The following PTPRB variants were observed in gnomAD, a reference collection of about 807,000 sequenced individuals.
PTPRB encodes the protein receptor-type tyrosine-protein phosphatase beta.
Under a neutral mutation model 238.1 loss-of-function variants are expected in PTPRB, and 97 were observed. That is an observed-to-expected ratio of 0.41 (90% CI 0.35 to 0.48). The LOEUF (loss-of-function observed/expected upper bound fraction) is 0.48, where lower values mean the gene tolerates loss of function less well. Ranked by LOEUF, PTPRB falls within the 20% of genes least tolerant of loss-of-function variation. The probability of loss-of-function intolerance (pLI) is 0.30; values close to 1 mark genes in which losing one functional copy is unlikely to be tolerated. For missense variants in PTPRB, 2,292 were observed against 2,681.9 expected, an observed-to-expected ratio of 0.85 and a Z score of 3.21; for synonymous variants, 970 against 995.4, an observed-to-expected ratio of 0.97 and a Z score of 0.48.
Position 70,594,638 on chromosome 12 carries a change from G to A in PTPRB, c.1345C>T (p.Arg449Ter). The A allele has an allele frequency of 1.2e-6, 2 of 1,613,994 alleles. No homozygotes were observed. Among genetic ancestry groups the A allele is most frequent in the South Asian group, 1.1e-5 (1 of 91,076 alleles). The change falls in exon 6 of 34, where the codon CGA (arginine) becomes TGA (stop). Residue 449 changes from arginine to a stop codon, truncating the protein, a stop_gained. Transcript: ENST00000334414. LOFTEE classifies it high-confidence loss of function. ...TTATCCATTAGCATCAGCCGGTATC[G>A]TTCCACATTCCCAGAACCATGGGAC... The part of the protein sequence containing the change: ...SWSHGSGNVE[R>*]YRLMLMDKGI...
At chr12:70,598,555 T>C (rs896323917) in intron 4 of PTPRB, among the ~76,000 whole-genome samples, 1 of 152,154 alleles carries the variant, frequency 6.6e-6, no homozygotes, top group Non-Finnish European at 1.5e-5. Flanking sequence ...ATAATACTTA[T>C]ATTCCAAGGC....
chr12:70,521,418 G>A lies in PTPRB; in HGVS notation c.*71C>T, dbSNP rs931525359. 7.7e-7 allele frequency: 1 copy of A among 1,294,686 alleles called. No homozygotes were observed. Among genetic ancestry groups the A allele is most frequent in the Middle Eastern group, 2.3e-4 (1 of 4,424 alleles). 80.2% of individuals were successfully genotyped at this position (1,294,686 alleles called of 1,614,324 possible). On this transcript the variant is annotated 3_prime_UTR_variant, in exon 34 of 34. Transcript: ENST00000334414. ...CAGAAATAGCTGGCACCTCTGTAGG[G>A]CATGAAGCAAGTTTTTAAAAACAAA... is the stretch of plus-strand genomic sequence containing the variant.
chr12:70,524,637 A>G (rs1389829520), intron 32 of PTPRB, 46 bp from the exon 33 acceptor site: 9 of 1,532,488 alleles, frequency 5.9e-6, no homozygotes, highest in Non-Finnish European at 8.8e-7. Context: ...GTTCTCATGC[A>G]TAAGAAAGAT....
At chr12:70,584,901 T>A (rs1422681182) in intron 9 of PTPRB, 2 of 150,650 alleles carry the variant, frequency 1.3e-5, no homozygotes, top group Non-Finnish European at 3.0e-5. Context: ...TTTTGTGGGA[T>A]CAAAAGAGGA....
At chr12:70,583,920 T>C (rs1881630762) in intron 9 of PTPRB, among the ~76,000 whole-genome samples, 1 of 151,906 alleles carries the variant, frequency 6.6e-6, no homozygotes, top group Non-Finnish European at 1.5e-5. Flanking sequence ...TAAAGCAACA[T>C]AAACAAAAGG....
rs576608429 is a variant in PTPRB, at chr12:70,553,531, T to C, written c.5144-511A>G. ...TATTGCTCTGCATGTGGATCTGTTA[T>C]CTTGAGTACAGTTTAATCCCCATCC... On this transcript the variant is annotated intron_variant, in intron 20 of 33. Coordinates refer to ENST00000334414, the MANE Select transcript of PTPRB (RefSeq NM_001109754.4). Among the ~76,000 whole-genome samples the C allele has an allele frequency of 1.3e-4, 20 of 152,340 alleles. No individual in the cohort carries two copies. In the East Asian group the frequency reaches 2.5e-3, roughly 19 times the overall value.
At chr12:70,607,313 C>T (rs770539612) in intron 4 of PTPRB, among the ~76,000 whole-genome samples, 4 of 152,338 alleles carry the variant, frequency 2.6e-5, no homozygotes, top group East Asian at 1.9e-4. Context: ...TGAACACATA[C>T]ACTAGTTGGC....
Position 70,562,497 on chromosome 12 carries a change from G to A in PTPRB, c.4168+347C>T, listed in dbSNP as rs1016730178. Among the ~76,000 whole-genome samples the A allele has an allele frequency of 4.6e-5, 7 of 152,150 alleles. No homozygotes were observed. In the South Asian group the frequency reaches 6.2e-4, roughly 14 times the overall value. On this transcript the variant is annotated intron_variant, in intron 16 of 33. Transcript: ENST00000334414. ...CTTCTCTGCTCCTGCTCTCCTCTCC[G>A]TCTATTTCTTGTTAGAAAGCTGAAG...
Position 70,589,998 on chromosome 12 carries a change from A to T in PTPRB, c.2016T>A (p.Asn672Lys). The T allele has an allele frequency of 6.2e-7, 1 of 1,613,856 alleles. No individual in the cohort carries two copies. Among genetic ancestry groups the T allele is most frequent in the Non-Finnish European group, 8.5e-7 (1 of 1,179,826 alleles). Residue 672 changes from asparagine (N) to lysine (K), a missense_variant, in exon 8 of 34, where the codon AAT becomes AAA. Around this residue, in one of 4 missense-constraint regions of PTPRB, gnomAD observed 1,205 missense variants for 1,287.8 expected, o/e 0.94. Coordinates refer to ENST00000334414, the MANE Select transcript of PTPRB (RefSeq NM_001109754.4). ...CTTGGCAACGCTCAGAATTCTTCAA[A>T]TTTCCACTCTCAACAATGACTTCCA... ...YEVEVIVESGNLKNSERCQGR... is the reference protein window; with the variant it reads ...YEVEVIVESGKLKNSERCQGR...
chr12:70,588,109 AAAAAGAAAAGAAAAG>A (rs1170649760), intron 8 of PTPRB, among the ~76,000 whole-genome samples: 1 of 136,974 alleles, frequency 7.3e-6, no homozygotes, highest in Non-Finnish European at 1.6e-5. Context: ...AAAAAAAAAA[AAAAAGAAAAGAAAAG>A]AAAAGAAAAG....
intron 8 of PTPRB, among the ~76,000 whole-genome samples, 174 bp downstream of exon 8, chr12:70,589,790 T>C (rs745367839): frequency 1.7e-4 from 25 of 148,294 alleles, no homozygotes; most frequent in Non-Finnish European, 3.6e-4. Flanking sequence ...ATTTTAAATG[T>C]TCTAATTTGA....
rs1381455152 is a variant in PTPRB, at chr12:70,520,081, C to G, written c.*1408G>C. ...AAGCTATGCCATCAACAAACTTGAC[C>G]TCTAATTCCCAAGTTTATTACAGAA... On this transcript the variant is annotated 3_prime_UTR_variant, in exon 34 of 34. Transcript: ENST00000334414. 1 of 359,726 alleles carries G rather than the reference C, an allele frequency of 2.8e-6. No individual in the cohort carries two copies. Among genetic ancestry groups the G allele is most frequent in the Non-Finnish European group, 5.5e-6 (1 of 182,734 alleles). 22.3% of individuals were successfully genotyped at this position (359,726 alleles called of 1,614,324 possible).
chr12:70,534,527 T>TTGA lies in PTPRB; in HGVS notation c.6326_6328dup (p.Ile2109dup), dbSNP rs752510580. On this transcript the variant is annotated inframe_insertion, in exon 31 of 34. Coordinates refer to ENST00000334414, the MANE Select transcript of PTPRB (RefSeq NM_001109754.4). ...AGTGGGCCCAGCACCCGGGCTTCTG[T>TTGA]TGATGTAGTCCCTGACAGTTCTCAC... is the stretch of plus-strand genomic sequence containing the variant. The TTGA allele has an allele frequency of 4.3e-6, 7 of 1,613,376 alleles. No individual in the cohort carries two copies. Among genetic ancestry groups the TTGA allele is most frequent in the South Asian group, 1.1e-5 (1 of 90,938 alleles).
At chr12:70,546,499 A>C (rs946810025) in intron 21 of PTPRB, among the ~76,000 whole-genome samples, 15 of 152,178 alleles carry the variant, frequency 9.9e-5, no homozygotes, top group African/African-American at 3.1e-4. Context: ...ATATTTTAGG[A>C]TGAATTAGAG....
chr12:70,616,000 C>T (rs1884661354), intron 3 of PTPRB, among the ~76,000 whole-genome samples: 2 of 152,134 alleles, frequency 1.3e-5, no homozygotes, highest in African/African-American at 4.8e-5. Context: ...TCAATTTTGT[C>T]AACGATCTCA....
chr12:70,530,547 T>C (rs1358659234), intron 32 of PTPRB, among the ~76,000 whole-genome samples: 1 of 152,156 alleles, frequency 6.6e-6, no homozygotes, highest in Non-Finnish European at 1.5e-5. Flanking sequence ...TATAAGTATA[T>C]GTGTATTTAA....
intron 4 of PTPRB, among the ~76,000 whole-genome samples, chr12:70,606,561 C>A (rs1323060515): frequency 1.3e-5 from 2 of 152,084 alleles, no homozygotes; most frequent in Non-Finnish European, 2.9e-5. Flanking sequence ...ATAAGACAGG[C>A]ATAATAGAAT....
At chr12:70,574,244 T>C (rs1880442508) in intron 11 of PTPRB, among the ~76,000 whole-genome samples, 1 of 152,212 alleles carries the variant, frequency 6.6e-6, no homozygotes, top group African/African-American at 2.4e-5. Flanking sequence ...ATTTCAGTAT[T>C]TTGGCATGGA....
intron 31 of PTPRB, among the ~76,000 whole-genome samples, chr12:70,534,245 G>A (rs936826889): frequency 6.6e-6 from 1 of 152,140 alleles, no homozygotes; most frequent in Admixed American, 6.5e-5. Flanking sequence ...GAGGGAGAGA[G>A]AAGGCTGGAG....
Sources: gnomAD v4.1 joint callset for allele counts (sites outside exome capture counted in the v4.1 genomes callset) on GRCh38, gnomAD v4.1.1 for gene constraint, gnomAD v4.1.1 regional missense constraint, MANE v1.5 for transcripts, NCBI Gene and HGNC (gene_info 2026-07-23, HGNC 2026-07-21) for gene names.